The following OPCML variants were observed in gnomAD, a reference collection of about 807,000 sequenced individuals.
OPCML encodes opioid-binding protein/cell adhesion molecule.
A neutral mutation model predicts 37.8 loss-of-function variants in OPCML; 13 were observed. The ratio of observed to expected loss-of-function variants is 0.34; its 90% CI spans 0.22 to 0.55. The LOEUF is 0.55. OPCML is among the 20% of genes least tolerant of loss of function. The pLI, the probability that OPCML is intolerant of heterozygous loss-of-function variation, is 0.91. For missense variants in OPCML, 341 were observed against 435.6 expected (o/e 0.78, Z 1.93); for synonymous variants, 176 against 168.8 (o/e 1.04, Z -0.33).
chr11:133,179,947 G>A (rs974620409), intron 1 of OPCML, among the ~76,000 whole-genome samples: 7 of 152,160 alleles, frequency 4.6e-5, no homozygotes, highest in African/African-American at 1.4e-4. Flanking sequence ...GAAGCTGGGC[G>A]CAGGTGATGG....
intron 4 of OPCML, among the ~76,000 whole-genome samples, chr11:132,449,398 A>G (rs1480911073): frequency 6.6e-6 from 1 of 152,102 alleles, no homozygotes; most frequent in East Asian, 1.9e-4. Flanking sequence ...GGTATAACTA[A>G]TCATCCACTT....
At chr11:133,062,361 G>A (rs1004287363) in intron 1 of OPCML, among the ~76,000 whole-genome samples, 7 of 152,172 alleles carry the variant, frequency 4.6e-5, no homozygotes, top group East Asian at 1.9e-4. Context: ...CCTGCATGTA[G>A]GCAAAATCGG....
intron 2 of OPCML, among the ~76,000 whole-genome samples, chr11:132,706,144 A>G (rs1944026608): frequency 6.6e-6 from 1 of 152,144 alleles, no homozygotes; most frequent in Non-Finnish European, 1.5e-5. Context: ...ACGACCTAAT[A>G]CAAGGGGGAG....
intron 1 of OPCML, among the ~76,000 whole-genome samples, chr11:133,369,986 A>C (rs1944637131): frequency 6.6e-6 from 1 of 152,202 alleles, no homozygotes; most frequent in Non-Finnish European, 1.5e-5. Context: ...TGTTCCATAT[A>C]TACCTTTTAC....
At chr11:132,829,128 A>G (rs557444184) in intron 2 of OPCML, among the ~76,000 whole-genome samples, 1 of 152,316 alleles carries the variant, frequency 6.6e-6, no homozygotes, top group South Asian at 2.1e-4. Context: ...TTATTCTAGT[A>G]TTAGAAGAAT....
At chr11:133,101,176 G>A (rs547258999) in intron 1 of OPCML, among the ~76,000 whole-genome samples, 2 of 152,270 alleles carry the variant, frequency 1.3e-5, no homozygotes, top group South Asian at 2.1e-4. Flanking sequence ...GCCTGCTTCA[G>A]CCTCCCAAAG....
chr11:133,231,596 C>G (rs1003718390), intron 1 of OPCML, among the ~76,000 whole-genome samples: 15 of 152,158 alleles, frequency 9.9e-5, no homozygotes. Flanking sequence ...GTGTTAAGCA[C>G]AGCAGATACC....
chr11:132,759,421 G>C (rs973450864), intron 2 of OPCML, among the ~76,000 whole-genome samples: 2 of 152,090 alleles, frequency 1.3e-5, no homozygotes, highest in Non-Finnish European at 2.9e-5. Context: ...CTGATAATCT[G>C]TCTGGTCCTG....
chr11:132,699,361 T>C (rs1369256395), intron 2 of OPCML, among the ~76,000 whole-genome samples: 1 of 152,116 alleles, frequency 6.6e-6, no homozygotes, highest in Non-Finnish European at 1.5e-5. Context: ...TGTCTAATTG[T>C]TCAGGCTAAG....
intron 1 of OPCML, among the ~76,000 whole-genome samples, chr11:133,224,588 A>T (rs1939961339): frequency 6.6e-6 from 1 of 152,148 alleles, no homozygotes; most frequent in African/African-American, 2.4e-5. Context: ...GCCCAAAGAG[A>T]TGGTTGTCAT....
rs190642160 is a variant in OPCML at position 132,509,326 on chromosome 11, G to A, written c.505+19735C>T. On this transcript the variant is annotated intron_variant, in intron 4 of 7. Coordinates refer to ENST00000524381, the MANE Select transcript of OPCML (RefSeq NM_001012393.5). ...CAGAGCATAAATGTTCAGAAAATTT[G>A]CAGCCTGACTACGTGATAGAAAAAA... is the stretch of plus-strand genomic sequence containing the variant. Among the ~76,000 whole-genome samples, 9 of 151,600 alleles carry A rather than the reference G, an allele frequency of 5.9e-5. No individual in the cohort carries two copies. In the East Asian group the frequency reaches 1.7e-3, roughly 29 times the overall value.
In OPCML at chr11:132,518,773, A is replaced by G. The variant is rs528006478; in HGVS notation, c.505+10288T>C. ...GATAAATAGCTATCTCTCCCACTAG[A>G]CCATAGGCTCCAGACCGGCAGGAAC... is the stretch of plus-strand genomic sequence containing the variant. On this transcript the variant is annotated intron_variant, in intron 4 of 7. Coordinates refer to ENST00000524381, the MANE Select transcript of OPCML (RefSeq NM_001012393.5). Among the ~76,000 whole-genome samples, 35 of 152,256 alleles carry G rather than the reference A, an allele frequency of 2.3e-4. 1 individual carries two copies. In the South Asian group the frequency reaches 7.3e-3, roughly 32 times the overall value.
intron 1 of OPCML, among the ~76,000 whole-genome samples, chr11:133,417,875 T>C (rs192518830): frequency 2.4e-4 from 37 of 152,182 alleles, no homozygotes; most frequent in South Asian, 1.2e-3. Flanking sequence ...GAAAGAAATA[T>C]GTAACTCTTT....
chr11:132,747,694 G>A (rs1462703691), intron 2 of OPCML, among the ~76,000 whole-genome samples: 1 of 152,166 alleles, frequency 6.6e-6, no homozygotes, highest in East Asian at 1.9e-4. Context: ...CTCAGAAGAC[G>A]GAACTCAGAA....
Position 133,095,277 on chromosome 11 carries a change from GTTTTTTTTT to G in OPCML, c.62-152276_62-152268del, listed in dbSNP as rs60154725. On this transcript the variant is annotated intron_variant, in intron 1 of 7. Transcript: ENST00000524381. ...AGACTAAGATGATTTTAATGTAAAT[GTTTTTTTTT>G]TTTTTTTTTTTTTTTTTGCAGCTGC... is the stretch of plus-strand genomic sequence containing the variant. Among the ~76,000 whole-genome samples, 5 of 44,202 alleles carry G rather than the reference GTTTTTTTTT, an allele frequency of 1.1e-4. No homozygotes were observed. The East Asian group carries it at 2.4e-3, about 21-fold the overall frequency. 29.0% of individuals were successfully genotyped at this position (44,202 alleles called of 152,430 possible).
At chr11:133,274,608 G>A (rs943628643) in intron 1 of OPCML, among the ~76,000 whole-genome samples, 17 of 152,162 alleles carry the variant, frequency 1.1e-4, no homozygotes, top group Non-Finnish European at 1.5e-5. Context: ...CCTGGTTGTG[G>A]TACTTTGTTA....
At chr11:132,957,961 T>C (rs1021485614) in intron 1 of OPCML, among the ~76,000 whole-genome samples, 4 of 152,168 alleles carry the variant, frequency 2.6e-5, no homozygotes, top group African/African-American at 9.7e-5. Flanking sequence ...GGCCTCTAAG[T>C]GTTCAAATGA....
intron 3 of OPCML, among the ~76,000 whole-genome samples, chr11:132,649,537 C>T (rs750600309): frequency 2.0e-5 from 3 of 152,080 alleles, no homozygotes; most frequent in Non-Finnish European, 2.9e-5. Flanking sequence ...GGACACCCTC[C>T]CAGTGAAGGG....
intron 1 of OPCML, among the ~76,000 whole-genome samples, chr11:133,027,975 T>G (rs1352677229): frequency 6.6e-6 from 1 of 151,772 alleles, no homozygotes. Flanking sequence ...GAATTCTACA[T>G]GTAGTGAATA....
Sources: gnomAD v4.1 joint callset for allele counts (sites outside exome capture counted in the v4.1 genomes callset) on GRCh38, gnomAD v4.1.1 for gene constraint, MANE v1.5 for transcripts, NCBI Gene and HGNC (gene_info 2026-07-23, HGNC 2026-07-21) for gene names.